APIP: variants seen among roughly 807,000 people sequenced by gnomAD.
APIP encodes the protein methylthioribulose-1-phosphate dehydratase.
APIP carries 32 observed loss-of-function variants against 32.0 expected under a neutral mutation model. The ratio of observed to expected loss-of-function variants is 1.00; its 90% confidence interval spans 0.76 to 1.34. The LOEUF (loss-of-function observed/expected upper bound fraction) is 1.34. APIP is among the 40% of genes most tolerant of loss of function. APIP has a pLI of 0.00. For synonymous variants in APIP, 92 were observed against 94.8 expected (o/e 0.97, Z 0.17); for missense variants, 247 against 298.6 (o/e 0.83, Z 1.27).
chr11:34,888,576 G>C, intron 4 of APIP, 148 bp from the exon 5 acceptor site: 1 of 1,275,270 alleles, frequency 7.8e-7, no homozygotes, highest in Non-Finnish European at 1.1e-6. Context: ...AGGCAGGAGG[G>C]TAAGTGGAAT....
intron 2 of APIP, chr11:34,890,780 A>G (rs1187510688): frequency 5.6e-6 from 2 of 358,350 alleles, no homozygotes; most frequent in African/African-American, 2.1e-5. Flanking sequence ...TCTACGTTTC[A>G]TATATATTTA....
Position 34,888,275 on chromosome 11 carries a change from A to T in APIP, c.461+18T>A. On this transcript the variant is annotated intron_variant, in intron 5 of 6. Coordinates refer to ENST00000395787, the MANE Select transcript of APIP (RefSeq NM_015957.4). ...AGAATTCTTTTCAAATTATTTAAGA[A>T]AAAGGAAAAAAAAATACCTATAATA... 2 of 1,495,634 alleles carry T rather than the reference A, an allele frequency of 1.3e-6. No individual in the cohort carries two copies. The highest frequency in any genetic ancestry group is 1.8e-6 in the Non-Finnish European group (2 of 1,124,812). 92.6% of individuals were successfully genotyped at this position (1,495,634 alleles called of 1,614,324 possible).
chr11:34,893,887 A>T (rs1445856943), intron 2 of APIP, among the ~76,000 whole-genome samples: 1 of 152,224 alleles, frequency 6.6e-6, no homozygotes, highest in East Asian at 1.9e-4. Context: ...TGGGGGCATG[A>T]CTATATATAT....
intron 5 of APIP, among the ~76,000 whole-genome samples, chr11:34,887,912 A>G (rs1280952369): frequency 6.6e-6 from 1 of 152,186 alleles, no homozygotes; most frequent in Non-Finnish European, 1.5e-5. Context: ...ACTAAATTAA[A>G]TCACCATGAA....
At chr11:34,910,131 G>A (rs552030670) in intron 1 of APIP, among the ~76,000 whole-genome samples, 1 of 152,302 alleles carries the variant, frequency 6.6e-6, no homozygotes, top group East Asian at 1.9e-4. Context: ...ATGAAGCAAG[G>A]CCAGACAACA....
intron 1 of APIP, chr11:34,896,726 G>GCAACAACAA (rs570312466): frequency 3.7e-6 from 4 of 1,079,870 alleles, no homozygotes; most frequent in African/African-American, 1.6e-5. Context: ...GCATAATAAA[G>GCAACAACAA]CAACAACAAC....
intron 1 of APIP, among the ~76,000 whole-genome samples, chr11:34,895,878 A>C (rs1274679938): frequency 6.6e-6 from 1 of 152,170 alleles, no homozygotes; most frequent in Admixed American, 6.5e-5. Context: ...TAAATAAATA[A>C]ATAAATAAAT....
chr11:34,902,395 G>C (rs971923532), intron 1 of APIP, among the ~76,000 whole-genome samples: 2 of 152,200 alleles, frequency 1.3e-5, no homozygotes, highest in Non-Finnish European at 2.9e-5. Context: ...GGAAGGCACC[G>C]AAGCTCTTCT....
chr11:34,885,461 G>C (rs1426662922), intron 5 of APIP, among the ~76,000 whole-genome samples: 2 of 152,046 alleles, frequency 1.3e-5, no homozygotes, highest in Non-Finnish European at 2.9e-5. Flanking sequence ...ATAAAAACAA[G>C]AGAGTACGTT....
intron 1 of APIP, among the ~76,000 whole-genome samples, chr11:34,899,634 A>ACACAGGTCG (rs1565137088): frequency 1.3e-5 from 2 of 152,210 alleles, no homozygotes; most frequent in South Asian, 2.1e-4. Context: ...TTAGGGAGGT[A>ACACAGGTCG]CACAGGTCGC....
At chr11:34,883,206 G>T in intron 6 of APIP, 131 bp downstream of exon 6, 2 of 979,786 alleles carry the variant, frequency 2.0e-6, no homozygotes, top group Non-Finnish European at 2.9e-6. Context: ...TTCATGAATG[G>T]ATACATAATA....
intron 1 of APIP, among the ~76,000 whole-genome samples, chr11:34,903,026 C>G (rs1369866287): frequency 6.6e-6 from 1 of 152,200 alleles, no homozygotes; most frequent in Non-Finnish European, 1.5e-5. Context: ...TTACACCCCA[C>G]ATAACATGGC....
chr11:34,896,319 A>G (rs1366549037), intron 1 of APIP, among the ~76,000 whole-genome samples: 1 of 152,212 alleles, frequency 6.6e-6, no homozygotes, highest in Non-Finnish European at 1.5e-5. Context: ...CTTGGAACCA[A>G]CCCAAATACC....
intron 1 of APIP, among the ~76,000 whole-genome samples, chr11:34,895,693 T>C (rs1034325666): frequency 4.6e-5 from 7 of 152,192 alleles, no homozygotes; most frequent in Non-Finnish European, 2.9e-5. Context: ...ACAACCTCAA[T>C]TAATACTTGC....
At chr11:34,887,288 A>G (rs1853093243) in intron 5 of APIP, among the ~76,000 whole-genome samples, 1 of 152,062 alleles carries the variant, frequency 6.6e-6, no homozygotes, top group Admixed American at 6.6e-5. Context: ...TTATTTCCTC[A>G]CCAAAACAAT....
chr11:34,901,199 C>T (rs924640811), intron 1 of APIP, among the ~76,000 whole-genome samples: 14 of 152,058 alleles, frequency 9.2e-5, no homozygotes, highest in African/African-American at 2.9e-4. Context: ...GTCCAGAATC[C>T]CCAAGGTGCA....
At chr11:34,906,173 T>TG (rs151032739) in intron 1 of APIP, among the ~76,000 whole-genome samples, 28,626 of 151,940 alleles carry the variant, frequency 0.19, 3,822 homozygotes, top group African/African-American at 0.39. Context: ...CTACTTTTTT[T>TG]TTTGTGGCTC....
At chr11:34,910,829 G>C (rs1328473042) in intron 1 of APIP, among the ~76,000 whole-genome samples, 1 of 151,968 alleles carries the variant, frequency 6.6e-6, no homozygotes, top group South Asian at 2.1e-4. Context: ...TTTGAACCCA[G>C]GCAGTCTGAT....
In APIP at chr11:34,916,329, T is replaced by A. The variant is rs1853693951; in HGVS notation, c.-45A>T. ...CGCGGCCTCCAATCTCCGCACGGCT[T>A]TGCGCGCGGCGCTTAGCCTGGGATA... is the stretch of plus-strand genomic sequence containing the variant. On this transcript the variant is annotated 5_prime_UTR_variant, in exon 1 of 7. Coordinates refer to ENST00000395787, the MANE Select transcript of APIP (RefSeq NM_015957.4). 1.9e-6 allele frequency: 3 copies of A among 1,605,684 alleles called. No individual in the cohort carries two copies. The East Asian group carries it at 6.7e-5, about 36-fold the overall frequency.
Sources: gnomAD v4.1 joint callset for allele counts (sites outside exome capture counted in the v4.1 genomes callset) on GRCh38, gnomAD v4.1.1 for gene constraint, MANE v1.5 for transcripts, NCBI Gene and HGNC (gene_info 2026-07-23, HGNC 2026-07-21) for gene names.